The following KIF6 variants were observed in gnomAD, a reference collection of about 807,000 sequenced individuals.
The protein encoded by KIF6 is kinesin family member 6.
In KIF6, 106 loss-of-function variants were observed where a neutral mutation model predicts 112.7. The ratio of observed to expected loss-of-function variants is 0.94; its 90% confidence interval spans 0.80 to 1.11. KIF6 has a LOEUF of 1.11. KIF6 is among the 50% of genes least tolerant of loss of function. The pLI is 0.00. For missense variants in KIF6, 929 were observed against 964.0 expected, an observed-to-expected ratio of 0.96 and a Z score of 0.48; for synonymous variants, 339 against 339.9, an observed-to-expected ratio of 1.00 and a Z score of 0.03.
intron 16 of KIF6, among the ~76,000 whole-genome samples, chr6:39,364,960 T>C (rs1205306972): frequency 6.6e-6 from 1 of 152,254 alleles, no homozygotes; most frequent in Non-Finnish European, 1.5e-5. Context: ...GTTTTAAAAC[T>C]TGCATTTTTT....
chr6:39,641,030 T>C (rs75252396), intron 3 of KIF6, among the ~76,000 whole-genome samples: 1 of 152,160 alleles, frequency 6.6e-6, no homozygotes, highest in Non-Finnish European at 1.5e-5. Context: ...CAATATACTG[T>C]TGAAATTCTC....
At chr6:39,667,131 C>T (rs546638480) in intron 3 of KIF6, among the ~76,000 whole-genome samples, 1 of 152,114 alleles carries the variant, frequency 6.6e-6, no homozygotes, top group East Asian at 1.9e-4. Flanking sequence ...CAGAGAGAAC[C>T]AATAGGATAT....
At position 39,543,085 on chromosome 6, in the gene KIF6, T is replaced by C. The variant is rs575456208; in HGVS notation, c.1426+1470A>G. Among the ~76,000 whole-genome samples, 13 of 152,238 alleles carry C rather than the reference T, an allele frequency of 8.5e-5. No individual in the cohort carries two copies. In the South Asian group the frequency reaches 2.7e-3, roughly 32 times the overall value. On this transcript the variant is annotated intron_variant, in intron 12 of 22. Transcript: ENST00000287152. Reference sequence around the variant, plus strand: ...TCACTCTCTTTTAAAAATAAACATATAGGAACAAACTTGGACTGTTCTCTC... The same window carrying C: ...TCACTCTCTTTTAAAAATAAACATACAGGAACAAACTTGGACTGTTCTCTC...
intron 3 of KIF6, among the ~76,000 whole-genome samples, chr6:39,703,187 T>C (rs2113843114): frequency 6.9e-6 from 1 of 144,526 alleles, no homozygotes; most frequent in South Asian, 2.2e-4. Flanking sequence ...AAAGGTAAAA[T>C]GGGATGAAGA....
chr6:39,586,141 C>G, intron 8 of KIF6, 120 bp downstream of exon 8: 1 of 894,154 alleles, frequency 1.1e-6, no homozygotes. Flanking sequence ...CTGTAGGGTA[C>G]TGCCCTCTGA....
At chr6:39,389,696 T>C (rs1350299864) in intron 15 of KIF6, among the ~76,000 whole-genome samples, 1 of 152,178 alleles carries the variant, frequency 6.6e-6, no homozygotes. Flanking sequence ...GGACTTGAGA[T>C]GAAGCAAACC....
At chr6:39,461,631 T>A (rs867373806) in intron 13 of KIF6, among the ~76,000 whole-genome samples, 2 of 152,206 alleles carry the variant, frequency 1.3e-5, no homozygotes, top group Admixed American at 6.5e-5. Context: ...TACATGTATT[T>A]TTATGCTAAA....
rs534154165 is a variant in KIF6 at position 39,450,316 on chromosome 6, G to C, written c.1646-19155C>G. ...GGCTATCTAGGAAAGTTTCAGAGGA[G>C]TTTTGCTTTCATAGATGCATTATCC... On this transcript the variant is annotated intron_variant, in intron 13 of 22. Coordinates refer to ENST00000287152, the MANE Select transcript of KIF6 (RefSeq NM_145027.6). Among the ~76,000 whole-genome samples the C allele has an allele frequency of 2.0e-5, 3 of 152,326 alleles. No homozygotes were observed. In the East Asian group the frequency reaches 5.8e-4, roughly 29 times the overall value.
chr6:39,457,701 C>T (rs1412638724), intron 13 of KIF6, among the ~76,000 whole-genome samples: 1 of 152,092 alleles, frequency 6.6e-6, no homozygotes, highest in Non-Finnish European at 1.5e-5. Flanking sequence ...CACCACCGAT[C>T]CCACAGAAAT....
intron 13 of KIF6, among the ~76,000 whole-genome samples, chr6:39,463,441 C>T (rs572717415): frequency 3.9e-5 from 6 of 152,138 alleles, no homozygotes; most frequent in Admixed American, 6.5e-5. Context: ...TTGAATATTT[C>T]AACAAAAGAG....
rs138222800 is a variant in KIF6, at chr6:39,656,101, T to C, written c.252-16344A>G. 1.7e-3 allele frequency among the ~76,000 whole-genome samples: 264 copies of C among 152,334 alleles called. 2 individuals carry two copies. The highest frequency in any genetic ancestry group is 5.9e-3 in the African/African-American group (245 of 41,568). On this transcript the variant is annotated intron_variant, in intron 3 of 22. Coordinates refer to ENST00000287152, the MANE Select transcript of KIF6 (RefSeq NM_145027.6). ...TATAGTGTTGACCCATTCATGTTTT[T>C]TAAAATGTTTGACACTCATCTGAAA... is the stretch of plus-strand genomic sequence containing the variant.
In KIF6 at chr6:39,455,464, TCTC is replaced by T. The variant is rs1254215778; in HGVS notation, c.1646-24306_1646-24304del. Among the ~76,000 whole-genome samples the T allele has an allele frequency of 7.9e-4, 120 of 151,952 alleles. 1 individual carries two copies. The highest frequency in any genetic ancestry group is 2.6e-3 in the African/African-American group (109 of 41,410). On this transcript the variant is annotated intron_variant, in intron 13 of 22. Transcript: ENST00000287152. ...TGGAAACTCTAAAACGCAGAGTGCCTCTCCTCCTCCAAAGGAATGCAGTTCCTC... is the reference window on the plus strand; with the variant it reads ...TGGAAACTCTAAAACGCAGAGTGCCTCTCCTCCAAAGGAATGCAGTTCCTC...
chr6:39,392,265 C>T (rs1370382247), intron 15 of KIF6, among the ~76,000 whole-genome samples: 1 of 152,134 alleles, frequency 6.6e-6, no homozygotes, highest in Non-Finnish European at 1.5e-5. Context: ...GAATGCACCC[C>T]AACTTTTACT....
intron 14 of KIF6, among the ~76,000 whole-genome samples, chr6:39,424,351 G>T (rs1239428865): frequency 6.6e-6 from 1 of 152,186 alleles, no homozygotes; most frequent in African/African-American, 2.4e-5. Context: ...TAAGCAGATG[G>T]CATACTATAT....
rs549044613 is a variant in KIF6, at chr6:39,645,347, A to C, written c.252-5590T>G. On this transcript the variant is annotated intron_variant, in intron 3 of 22. Coordinates refer to ENST00000287152, the MANE Select transcript of KIF6 (RefSeq NM_145027.6). ...GCTAGAAAAAAATACAAGTCATTTT[A>C]AAGTTTAGTTTTTCCATTTGTATTA... is the stretch of plus-strand genomic sequence containing the variant. 5.3e-5 allele frequency among the ~76,000 whole-genome samples: 8 copies of C among 152,260 alleles called. No homozygotes were observed. The South Asian group carries it at 1.7e-3, about 32-fold the overall frequency.
intron 7 of KIF6, among the ~76,000 whole-genome samples, chr6:39,592,795 T>G (rs545878050): frequency 6.6e-6 from 1 of 152,378 alleles, no homozygotes; most frequent in East Asian, 1.9e-4. Flanking sequence ...AGAAAGTTAT[T>G]TACTTGTGAA....
intron 16 of KIF6, among the ~76,000 whole-genome samples, chr6:39,382,583 G>A (rs1225616393): frequency 6.6e-6 from 1 of 152,120 alleles, no homozygotes; most frequent in African/African-American, 2.4e-5. Context: ...CACCTAGATT[G>A]ATTCCATGTC....
intron 3 of KIF6, chr6:39,691,642 T>A (rs1264684567): frequency 6.6e-6 from 1 of 152,156 alleles, no homozygotes; most frequent in Non-Finnish European, 1.5e-5. Context: ...GCAAAATGAC[T>A]ATTTAAGTTT....
intron 14 of KIF6, 115 bp downstream of exon 14, chr6:39,430,938 T>C (rs1478043814): frequency 3.3e-6 from 2 of 598,832 alleles, no homozygotes; most frequent in African/African-American, 1.9e-5. Context: ...ATAAACATTA[T>C]GCTTTTCTTG....
Sources: allele counts gnomAD v4.1 joint callset (sites outside exome capture counted in the v4.1 genomes callset), GRCh38; gene constraint gnomAD v4.1.1; transcripts MANE v1.5; gene names NCBI Gene and HGNC (gene_info 2026-07-23, HGNC 2026-07-21).